The following KLHL1 variants were observed in gnomAD, a reference collection of about 807,000 sequenced individuals.
KLHL1 encodes the protein kelch like family member 1, also known as kelch-like protein 1.
In KLHL1, 47 loss-of-function variants were observed where a neutral mutation model predicts 77.7. The observed-to-expected ratio is 0.60, with a 90% CI of 0.48 to 0.77. The LOEUF is 0.77. KLHL1 is among the 30% of genes least tolerant of loss of function. The pLI, the probability that KLHL1 is intolerant of heterozygous loss-of-function variation, is 0.00. For synonymous variants in KLHL1, 360 were observed against 325.2 expected (o/e 1.11, Z -1.15); for missense variants, 925 against 910.8 (o/e 1.02, Z -0.20).
At chr13:69,820,687 T>C (rs922050911) in intron 6 of KLHL1, among the ~76,000 whole-genome samples, 2 of 152,164 alleles carry the variant, frequency 1.3e-5, no homozygotes, top group African/African-American at 2.4e-5. Context: ...GGGATGCCTG[T>C]TCAAGGGACA....
intron 1 of KLHL1, among the ~76,000 whole-genome samples, chr13:70,012,161 C>G (rs1215810716): frequency 6.6e-6 from 1 of 152,152 alleles, no homozygotes; most frequent in African/African-American, 2.4e-5. Flanking sequence ...GGTGGGGACA[C>G]AGCCAAATCA....
chr13:69,755,460 A>G (rs1000197344), intron 7 of KLHL1, among the ~76,000 whole-genome samples: 2 of 152,090 alleles, frequency 1.3e-5, no homozygotes, highest in African/African-American at 4.8e-5. Flanking sequence ...CAAAAGTGAA[A>G]TAACACACAG....
At chr13:69,738,716 G>C (rs1355099514) in intron 8 of KLHL1, among the ~76,000 whole-genome samples, 1 of 151,914 alleles carries the variant, frequency 6.6e-6, no homozygotes. Context: ...ATAACAAAAA[G>C]GAATCAACAA....
chr13:69,715,075 A>T (rs1876057053), intron 9 of KLHL1, among the ~76,000 whole-genome samples: 1 of 152,182 alleles, frequency 6.6e-6, no homozygotes, highest in Non-Finnish European at 1.5e-5. Flanking sequence ...GCTCCTCATA[A>T]GCCATTGAGG....
At chr13:69,747,784 G>C (rs972224182) in intron 7 of KLHL1, among the ~76,000 whole-genome samples, 1 of 151,840 alleles carries the variant, frequency 6.6e-6, no homozygotes, top group Admixed American at 6.6e-5. Context: ...CTTATATATT[G>C]CTGATGAATT....
intron 8 of KLHL1, among the ~76,000 whole-genome samples, chr13:69,732,244 G>A (rs1172089526): frequency 3.3e-5 from 5 of 152,036 alleles, no homozygotes; most frequent in African/African-American, 7.2e-5. Flanking sequence ...AACCATTAAC[G>A]TAAGTATGTG....
intron 1 of KLHL1, among the ~76,000 whole-genome samples, chr13:70,069,321 G>A (rs896936814): frequency 6.6e-6 from 1 of 152,176 alleles, no homozygotes; most frequent in Non-Finnish European, 1.5e-5. Flanking sequence ...GCACCAGAAG[G>A]AGTCTTAGCC....
intron 5 of KLHL1, among the ~76,000 whole-genome samples, chr13:69,870,679 C>T (rs1201637127): frequency 6.6e-6 from 1 of 151,766 alleles, no homozygotes; most frequent in Non-Finnish European, 1.5e-5. Context: ...GTTATGCAAG[C>T]ATCGGGTAAA....
intron 4 of KLHL1, among the ~76,000 whole-genome samples, chr13:69,935,389 A>G (rs1032833834): frequency 6.6e-6 from 1 of 152,152 alleles, no homozygotes; most frequent in African/African-American, 2.4e-5. Context: ...TGTTATCAAG[A>G]AGCTACTATA....
At chr13:69,819,946 C>T (rs1040139100) in intron 6 of KLHL1, among the ~76,000 whole-genome samples, 1 of 152,174 alleles carries the variant, frequency 6.6e-6, no homozygotes, top group Non-Finnish European at 1.5e-5. Context: ...TCAGAGGGCT[C>T]TCTGCTTGCC....
intron 1 of KLHL1, among the ~76,000 whole-genome samples, chr13:70,017,362 C>T: frequency 6.6e-6 from 1 of 152,216 alleles, no homozygotes; most frequent in Admixed American, 6.5e-5. Flanking sequence ...ATTGCATTCT[C>T]CTCATCCAGA....
intron 1 of KLHL1, among the ~76,000 whole-genome samples, chr13:70,070,111 G>T (rs9634966): frequency 0.19 from 29,415 of 150,940 alleles, 3,040 homozygotes; most frequent in Admixed American, 0.27. Flanking sequence ...GAGGTTGCAG[G>T]GAGCCGAGTC....
intron 4 of KLHL1, among the ~76,000 whole-genome samples, chr13:69,925,366 A>AATATAATATAT (rs1882781502): frequency 1.3e-5 from 2 of 152,204 alleles, no homozygotes; most frequent in Non-Finnish European, 2.9e-5. Flanking sequence ...TAAAACACTT[A>AATATAATATAT]GAACACAGTC....
At chr13:70,098,893 A>G (rs1887855508) in intron 1 of KLHL1, among the ~76,000 whole-genome samples, 1 of 151,666 alleles carries the variant, frequency 6.6e-6, no homozygotes, top group Admixed American at 6.6e-5. Flanking sequence ...TAGATGGCAA[A>G]TTTTCCATTT....
chr13:69,786,421 A>G (rs1342418226), intron 7 of KLHL1, among the ~76,000 whole-genome samples: 3 of 152,186 alleles, frequency 2.0e-5, no homozygotes, highest in Non-Finnish European at 4.4e-5. Context: ...GATTATCTCA[A>G]TGGATGCAGA....
chr13:69,886,438 C>A (rs1566365254), intron 4 of KLHL1, among the ~76,000 whole-genome samples: 1 of 151,074 alleles, frequency 6.6e-6, no homozygotes, highest in Admixed American at 6.6e-5. Context: ...TTCTAATATT[C>A]ATTTCTTCTG....
At chr13:70,058,415 G>C (rs942001920) in intron 1 of KLHL1, among the ~76,000 whole-genome samples, 5 of 152,080 alleles carry the variant, frequency 3.3e-5, no homozygotes, top group African/African-American at 1.2e-4. Context: ...AAAATCACTA[G>C]CATTTATGTA....
intron 4 of KLHL1, among the ~76,000 whole-genome samples, chr13:69,895,296 C>CT: frequency 6.6e-6 from 1 of 152,186 alleles, no homozygotes. Context: ...GTTCACACTT[C>CT]TTTTCTTGTT....
intron 1 of KLHL1, among the ~76,000 whole-genome samples, chr13:70,023,180 T>A (rs766406806): frequency 6.6e-6 from 1 of 151,932 alleles, no homozygotes; most frequent in African/African-American, 2.4e-5. Context: ...TATTCAAACA[T>A]ATCAGCTCTA....
Sources: allele counts gnomAD v4.1 joint callset (sites outside exome capture counted in the v4.1 genomes callset), GRCh38; gene constraint gnomAD v4.1.1; transcripts MANE v1.5; gene names NCBI Gene and HGNC (gene_info 2026-07-23, HGNC 2026-07-21).